The following GALNT9 variants were observed in gnomAD, a reference collection of about 807,000 sequenced individuals.
GALNT9 encodes GalNAc transferase 9.
Under a neutral mutation model 63.1 loss-of-function variants are expected in GALNT9, and 47 were observed. The observed-to-expected ratio is 0.75, with a 90% CI of 0.59 to 0.95. GALNT9 has a LOEUF of 0.95. GALNT9 is among the 40% of genes least tolerant of loss of function. The pLI, the probability that GALNT9 is intolerant of heterozygous loss-of-function variation, is 0.00. For synonymous variants in GALNT9, 396 were observed against 365.7 expected (o/e 1.08, Z -0.94); for missense variants, 829 against 874.8 (o/e 0.95, Z 0.66).
chr12:132,210,915 G>C (rs1371450714), intron 6 of GALNT9, among the ~76,000 whole-genome samples: 1 of 151,928 alleles, frequency 6.6e-6, no homozygotes, highest in Non-Finnish European at 1.5e-5. Flanking sequence ...GCTGTCTGGT[G>C]GTCGGCTGCC....
intron 5 of GALNT9, among the ~76,000 whole-genome samples, chr12:132,250,811 C>G (rs1878885984): frequency 1.3e-5 from 2 of 149,248 alleles, no homozygotes; most frequent in South Asian, 4.3e-4. Flanking sequence ...ACAACAAAGG[C>G]TCAGCTCATG....
At chr12:132,239,918 C>T (rs1319842171) in intron 6 of GALNT9, among the ~76,000 whole-genome samples, 1 of 151,986 alleles carries the variant, frequency 6.6e-6, no homozygotes, top group Non-Finnish European at 1.5e-5. Context: ...GGAATCATTT[C>T]TTGTGAGGGG....
chr12:132,222,429 C>T (rs891069830), intron 6 of GALNT9, among the ~76,000 whole-genome samples: 1 of 152,066 alleles, frequency 6.6e-6, no homozygotes, highest in Non-Finnish European at 1.5e-5. Context: ...AAAGTAGATA[C>T]AGTTCACAGT....
chr12:132,260,877 C>T (rs994683584), intron 4 of GALNT9, 71 bp downstream of exon 4: 67 of 1,444,756 alleles, frequency 4.6e-5, no homozygotes, highest in South Asian at 3.4e-4. Context: ...TGCAGCCGCA[C>T]GGCGGCTTAG....
At chr12:132,237,871 C>A (rs112769485) in intron 6 of GALNT9, among the ~76,000 whole-genome samples, 94 of 152,286 alleles carry the variant, frequency 6.2e-4, no homozygotes, top group African/African-American at 1.6e-3. Context: ...AACCCTCCAT[C>A]TGTGGCATGT....
At position 132,197,246 on chromosome 12, in the gene GALNT9, G is replaced by C. The variant is rs368579029; in HGVS notation, c.1673C>G (p.Pro558Arg). The change falls in exon 11 of 11, where the codon CCC becomes CGC. Residue 558 changes from proline (P) to arginine (R), a missense_variant. Coordinates refer to ENST00000328957, the MANE Select transcript of GALNT9 (RefSeq NM_001122636.2). Reference protein sequence around the residue: ...QRLWDFTQSGPIVSRATGRCL... With the variant: ...QRLWDFTQSGRIVSRATGRCL... ...GCGGCCCGTGGCCCGGCTCACAATG[G>C]GGCCACTCTGTGGGGACAGGCACAT... is the stretch of plus-strand genomic sequence containing the variant. 5 of 1,611,794 alleles carry C rather than the reference G, an allele frequency of 3.1e-6. No individual in the cohort carries two copies. Among genetic ancestry groups the C allele is most frequent in the Non-Finnish European group, 4.2e-6 (5 of 1,179,792 alleles).
At chr12:132,303,379 T>TCGC (rs1566018926) in intron 1 of GALNT9, among the ~76,000 whole-genome samples, 21 of 116,196 alleles carry the variant, frequency 1.8e-4, no homozygotes, top group Middle Eastern at 4.5e-3. Flanking sequence ...CAGCACCCTC[T>TCGC]CCGGGGCACA....
At position 132,304,990 on chromosome 12, in the gene GALNT9, C is replaced by T. The variant is rs1369909594; in HGVS notation, c.239-18560G>A. Reference sequence around the variant, plus strand: ...CCGGGCACACCCTCACCCGGGCACACCCTCACCCGGGCACATCCTCACCGG... The same window carrying T: ...CCGGGCACACCCTCACCCGGGCACATCCTCACCCGGGCACATCCTCACCGG... On this transcript the variant is annotated intron_variant, in intron 1 of 10. Coordinates refer to ENST00000328957, the MANE Select transcript of GALNT9 (RefSeq NM_001122636.2). 1.5e-4 allele frequency among the ~76,000 whole-genome samples: 4 copies of T among 26,762 alleles called. 1 individual carries two copies. The highest frequency in any genetic ancestry group is 2.6e-4 in the Non-Finnish European group (4 of 15,264). 17.6% of individuals were successfully genotyped at this position (26,762 alleles called of 152,430 possible). A position where few individuals can be genotyped will look rare whatever the true frequency, so the allele number is the denominator to read the frequency against.
chr12:132,324,415 C>A (rs1206577498), intron 1 of GALNT9, among the ~76,000 whole-genome samples: 2 of 152,162 alleles, frequency 1.3e-5, no homozygotes, highest in Non-Finnish European at 2.9e-5. Flanking sequence ...GCGGGACTGA[C>A]GGGGCACGTG....
intron 6 of GALNT9, among the ~76,000 whole-genome samples, chr12:132,244,132 G>A (rs1186909692): frequency 1.5e-5 from 2 of 130,676 alleles, no homozygotes; most frequent in Non-Finnish European, 3.5e-5. Context: ...AACCTGTGGT[G>A]CCTCCACGGG....
intron 6 of GALNT9, chr12:132,240,693 A>G (rs142981796): frequency 4.4e-6 from 2 of 455,842 alleles, no homozygotes; most frequent in South Asian, 1.5e-5. Context: ...TATTCTGTTT[A>G]TAATTTACCT....
rs918497544 is a variant in GALNT9 at position 132,290,399 on chromosome 12, G to A, written c.239-3969C>T. On this transcript the variant is annotated intron_variant, in intron 1 of 10. Transcript: ENST00000328957. The stretch of plus-strand genomic sequence containing the variant: ...GGAGTAAGCGAGGCCGTCCCAACGC[G>A]CTGTGTCTTGGGGTGATGGGCACGG... Among the ~76,000 whole-genome samples the A allele has an allele frequency of 8.5e-5, 13 of 152,282 alleles. No homozygotes were observed. The East Asian group carries it at 1.2e-3, about 14-fold the overall frequency.
Position 132,265,153 on chromosome 12 carries a change from C to T in GALNT9, c.420-2528G>A, listed in dbSNP as rs574425773. 7.9e-5 allele frequency among the ~76,000 whole-genome samples: 12 copies of T among 152,278 alleles called. No homozygotes were observed. The highest frequency in any genetic ancestry group is 2.9e-4 in the African/African-American group (12 of 41,556). Reference sequence around the variant, plus strand: ...GCCCCAAGAAAAAGATAAAGGAGCGCAAAGATTTTCCAACAAGTCCCAAAT... The same window carrying T: ...GCCCCAAGAAAAAGATAAAGGAGCGTAAAGATTTTCCAACAAGTCCCAAAT... On this transcript the variant is annotated intron_variant, in intron 2 of 10. Coordinates refer to ENST00000328957, the MANE Select transcript of GALNT9 (RefSeq NM_001122636.2). The surrounding 1 kb of genome is among the most constrained non-coding windows in gnomAD (Gnocchi z 5.3).
chr12:132,256,545 G>A (rs1555239095), intron 5 of GALNT9, among the ~76,000 whole-genome samples: 1 of 148,274 alleles, frequency 6.7e-6, no homozygotes, highest in Non-Finnish European at 1.5e-5. Flanking sequence ...GAGTGGAATA[G>A]GGGGGACACT....
chr12:132,291,226 G>T (rs1315359121), intron 1 of GALNT9, among the ~76,000 whole-genome samples: 1 of 35,008 alleles, frequency 2.9e-5, no homozygotes, highest in Non-Finnish European at 4.7e-5. Flanking sequence ...CACATCCACA[G>T]CGCCCACGTC....
chr12:132,326,061 A>C (rs1402612442), intron 1 of GALNT9, among the ~76,000 whole-genome samples: 1 of 152,258 alleles, frequency 6.6e-6, no homozygotes, highest in Non-Finnish European at 1.5e-5. Context: ...TAGGCCCTGC[A>C]AGCGCCTAGA....
chr12:132,255,631 A>G (rs192404111), intron 5 of GALNT9, among the ~76,000 whole-genome samples: 2 of 152,306 alleles, frequency 1.3e-5, no homozygotes, highest in East Asian at 3.9e-4. Context: ...AACTCTTTCA[A>G]CCAATTACCA....
intron 1 of GALNT9, among the ~76,000 whole-genome samples, chr12:132,314,758 T>C (rs1314888254): frequency 6.6e-6 from 1 of 152,176 alleles, no homozygotes; most frequent in East Asian, 1.9e-4. Flanking sequence ...ATTCGGTGAA[T>C]GAAGTGTGAA....
At chr12:132,197,712 C>T in intron 10 of GALNT9, 80 bp downstream of exon 10, 7 of 1,109,028 alleles carry the variant, frequency 6.3e-6, no homozygotes, top group Non-Finnish European at 9.1e-6. Context: ...AATGGGCTGG[C>T]TCTAGTGGCA....
Sources: gnomAD v4.1 joint callset for allele counts (sites outside exome capture counted in the v4.1 genomes callset) on GRCh38, gnomAD v4.1.1 for gene constraint, Gnocchi (gnomAD v3.1) non-coding constraint, MANE v1.5 for transcripts, NCBI Gene and HGNC (gene_info 2026-07-23, HGNC 2026-07-21) for gene names.